RYR2: variants seen among roughly 807,000 people sequenced by gnomAD.
RYR2 encodes the protein ryanodine receptor 2, also known as cardiac muscle ryanodine receptor-calcium release channel.
A neutral mutation model predicts 601.1 loss-of-function variants in RYR2; 227 were observed. The observed-to-expected ratio is 0.38, with a 90% CI of 0.34 to 0.42. The LOEUF (loss-of-function observed/expected upper bound fraction) is 0.42. Ranked by LOEUF, RYR2 falls within the 10% of genes least tolerant of loss-of-function variation. The probability of loss-of-function intolerance (pLI) is 1.00; values close to 1 mark genes in which losing one functional copy is unlikely to be tolerated. For missense variants in RYR2, 4,646 were observed against 6,156.5 expected, an observed-to-expected ratio of 0.75 and a Z score of 8.21; for synonymous variants, 2,223 against 2,175.1, an observed-to-expected ratio of 1.02 and a Z score of -0.61.
At position 237,465,519 on chromosome 1, in the gene RYR2, A is replaced by C. The variant is rs565679261; in HGVS notation, c.1613-3573A>C. Among the ~76,000 whole-genome samples the C allele has an allele frequency of 3.9e-5, 6 of 152,300 alleles. No homozygotes were observed. In the East Asian group the frequency reaches 1.2e-3, roughly 29 times the overall value. On this transcript the variant is annotated intron_variant, in intron 16 of 104. Transcript: ENST00000366574. ...GGTCATGTGTCACTTACTCATGGGA[A>C]CAGTTCTAAGGAATACATCTTGCAA...
At chr1:237,226,633 G>A (rs948956924) in intron 1 of RYR2, among the ~76,000 whole-genome samples, 2 of 152,180 alleles carry the variant, frequency 1.3e-5, no homozygotes, top group Non-Finnish European at 2.9e-5. Flanking sequence ...CTGCTAGTTG[G>A]CATAGAGAGG....
Position 237,525,977 on chromosome 1 carries a change from C to CA in RYR2, c.2823-4438dup, listed in dbSNP as rs200534597. On this transcript the variant is annotated intron_variant, in intron 24 of 104. Coordinates refer to ENST00000366574, the MANE Select transcript of RYR2 (RefSeq NM_001035.3). ...CCTGGGTGACAAGAGCAAAACTCCT[C>CA]AAAAAAAAAAAATAATAATAATAAA... Among the ~76,000 whole-genome samples the CA allele has an allele frequency of 6.1e-3, 636 of 103,572 alleles. 3 individuals carry two copies. The highest frequency in any genetic ancestry group is 0.02 in the African/African-American group (552 of 28,172). 67.9% of individuals were successfully genotyped at this position (103,572 alleles called of 152,430 possible).
chr1:237,331,655 A>G (rs1042496651), intron 3 of RYR2, among the ~76,000 whole-genome samples: 1 of 147,108 alleles, frequency 6.8e-6, no homozygotes, highest in Non-Finnish European at 1.5e-5. Context: ...GGCTCCTGCC[A>G]CCACCACACC....
intron 1 of RYR2, among the ~76,000 whole-genome samples, chr1:237,160,928 T>C (rs1002583880): frequency 6.6e-6 from 1 of 152,156 alleles, no homozygotes; most frequent in African/African-American, 2.4e-5. Flanking sequence ...TTATTCACAT[T>C]CCTGGATTTT....
chr1:237,318,021 G>A (rs561413137), intron 2 of RYR2, among the ~76,000 whole-genome samples: 33 of 152,100 alleles, frequency 2.2e-4, no homozygotes, highest in African/African-American at 7.7e-4. Context: ...TTTTGTACCT[G>A]TATTCCTCCA....
chr1:237,325,122 G>A (rs1210074367), intron 2 of RYR2, among the ~76,000 whole-genome samples: 2 of 152,058 alleles, frequency 1.3e-5, no homozygotes, highest in African/African-American at 4.8e-5. Flanking sequence ...AGGTAGAGTG[G>A]GATCCAAGCT....
rs567099387 is a variant in RYR2, at chr1:237,406,005, C to A, written c.774-11044C>A. ...CATGATTCTGCAGCCTTTCTACTCTCACTGCCACGCTCTCATTCCTCATAT... is the reference window on the plus strand; with the variant it reads ...CATGATTCTGCAGCCTTTCTACTCTAACTGCCACGCTCTCATTCCTCATAT... On this transcript the variant is annotated intron_variant, in intron 10 of 104. Transcript: ENST00000366574. 7.9e-5 allele frequency among the ~76,000 whole-genome samples: 12 copies of A among 151,762 alleles called. No individual in the cohort carries two copies. The South Asian group carries it at 1.9e-3, about 24-fold the overall frequency.
chr1:237,587,157 T>C (rs1674616312), intron 29 of RYR2, among the ~76,000 whole-genome samples: 1 of 152,220 alleles, frequency 6.6e-6, no homozygotes, highest in African/African-American at 2.4e-5. Context: ...AAATGAATGG[T>C]TGAAAGCTTC....
At chr1:237,065,893 G>A (rs556433299) in intron 1 of RYR2, among the ~76,000 whole-genome samples, 77 of 152,322 alleles carry the variant, frequency 5.1e-4, no homozygotes, top group African/African-American at 1.7e-3. Flanking sequence ...GCAGGAGGAA[G>A]TGTGGGGAAG....
chr1:237,758,689 C>T (rs1467368452), intron 82 of RYR2, among the ~76,000 whole-genome samples: 1 of 152,172 alleles, frequency 6.6e-6, no homozygotes, highest in African/African-American at 2.4e-5. Context: ...CTTTTTAGAA[C>T]AGCATTGATA....
chr1:237,581,664 T>C (rs1459880936), intron 29 of RYR2, among the ~76,000 whole-genome samples: 1 of 152,164 alleles, frequency 6.6e-6, no homozygotes, highest in Admixed American at 6.5e-5. Context: ...AAGTCTGGTT[T>C]TCAACATGGT....
intron 36 of RYR2, among the ~76,000 whole-genome samples, chr1:237,611,840 A>G (rs1015423998): frequency 6.6e-5 from 10 of 152,168 alleles, no homozygotes; most frequent in Non-Finnish European, 1.5e-4. Context: ...TTAAAATTTA[A>G]CCTATGCTTT....
intron 83 of RYR2, 100 bp from the exon 84 acceptor site, chr1:237,760,855 T>C (rs1268295534): frequency 8.0e-6 from 6 of 748,176 alleles, no homozygotes; most frequent in Non-Finnish European, 1.4e-5. Flanking sequence ...TAACATTTGC[T>C]TCATCTTCCA....
chr1:237,562,874 G>A (rs925944628), intron 27 of RYR2, among the ~76,000 whole-genome samples: 10 of 152,228 alleles, frequency 6.6e-5, no homozygotes, highest in South Asian at 2.1e-4. Context: ...TCCGGAGCCC[G>A]GAAGAGTCTT....
At chr1:237,677,266 G>A (rs187978931) in intron 60 of RYR2, among the ~76,000 whole-genome samples, 12 of 152,186 alleles carry the variant, frequency 7.9e-5, no homozygotes, top group Non-Finnish European at 1.6e-4. Flanking sequence ...TCTCCAATAT[G>A]TTCTGCATGC....
At chr1:237,246,249 C>A (rs773469166) in intron 1 of RYR2, among the ~76,000 whole-genome samples, 3 of 152,064 alleles carry the variant, frequency 2.0e-5, no homozygotes, top group African/African-American at 4.8e-5. Flanking sequence ...GTGCATGCCA[C>A]CAAGCCCGGC....
chr1:237,501,981 AGTTTTGTTTT>A (rs755461905), intron 21 of RYR2, among the ~76,000 whole-genome samples: 2 of 151,994 alleles, frequency 1.3e-5, no homozygotes, highest in South Asian at 2.1e-4. Context: ...TCTCTGCAAA[AGTTTTGTTTT>A]GTTTTGTTTT....
rs953945070 is a variant in RYR2 at position 237,374,565 on chromosome 1, G to A, written c.385-152G>A. ...CCCAGCTGCTCAGGAGGCTGAGGTG[G>A]GATGACTGCTTGAGCCCAGGAGGTT... On this transcript the variant is annotated intron_variant, in intron 6 of 104. Transcript: ENST00000366574. Among the ~76,000 whole-genome samples the A allele has an allele frequency of 3.9e-4, 60 of 152,282 alleles. No homozygotes were observed. The Middle Eastern group carries it at 0.01, about 26-fold the overall frequency.
chr1:237,060,315 A>G (rs1372301567), intron 1 of RYR2, among the ~76,000 whole-genome samples: 2 of 152,222 alleles, frequency 1.3e-5, no homozygotes, highest in Non-Finnish European at 2.9e-5. Flanking sequence ...CTTGCCCACA[A>G]GAAACTATTA....
Sources: allele counts gnomAD v4.1 joint callset (sites outside exome capture counted in the v4.1 genomes callset), GRCh38; gene constraint gnomAD v4.1.1; transcripts MANE v1.5; gene names NCBI Gene and HGNC (gene_info 2026-07-23, HGNC 2026-07-21).